Variants in IL7 observed in about 807,000 individuals in gnomAD.
IL7 encodes the protein interleukin 7.
A neutral mutation model predicts 21.6 loss-of-function variants in IL7; 3 were observed. The observed-to-expected ratio is 0.14, with a 90% CI of 0.06 to 0.36. The LOEUF (loss-of-function observed/expected upper bound fraction) is 0.36. IL7 is among the 10% of genes least tolerant of loss of function. IL7 has a pLI of 1.00. For synonymous variants in IL7, 62 were observed against 68.1 expected (o/e 0.91, Z 0.44); for missense variants, 175 against 200.2 (o/e 0.87, Z 0.76).
chr8:78,692,033 G>T (rs1810229107), intron 3 of IL7, among the ~76,000 whole-genome samples: 1 of 151,910 alleles, frequency 6.6e-6, no homozygotes, highest in Admixed American at 6.6e-5. Flanking sequence ...ACCATTTTTT[G>T]TGGTAAGAAC....
At chr8:78,780,560 T>C (rs371596624) in intron 2 of IL7, among the ~76,000 whole-genome samples, 2 of 152,216 alleles carry the variant, frequency 1.3e-5, no homozygotes, top group East Asian at 1.9e-4. Context: ...TTCCTTAAAA[T>C]TGAGTTCTAA....
intron 2 of IL7, among the ~76,000 whole-genome samples, chr8:78,793,931 T>C (rs546675825): frequency 1.3e-5 from 2 of 152,298 alleles, no homozygotes; most frequent in East Asian, 3.9e-4. Flanking sequence ...CCACTTTCTT[T>C]GCTCATGCCT....
intron 2 of IL7, among the ~76,000 whole-genome samples, chr8:78,746,130 C>T (rs989943224): frequency 6.6e-6 from 1 of 152,274 alleles, no homozygotes; most frequent in East Asian, 1.9e-4. Context: ...CATTATTTAG[C>T]CTACTATAGA....
At chr8:78,759,836 T>G (rs890433471) in intron 2 of IL7, among the ~76,000 whole-genome samples, 2 of 152,128 alleles carry the variant, frequency 1.3e-5, no homozygotes, top group African/African-American at 4.8e-5. Context: ...ACCCAACAAG[T>G]AGAGATCCAC....
chr8:78,686,902 A>G (rs1281073858), intron 3 of IL7, among the ~76,000 whole-genome samples: 1 of 152,134 alleles, frequency 6.6e-6, no homozygotes, highest in African/African-American at 2.4e-5. Context: ...TCCAGGAAAT[A>G]TTTTAACCAT....
chr8:78,715,275 C>G (rs1446536163), downstream of IL7: 1 of 1,613,758 alleles, frequency 6.2e-7, no homozygotes, highest in Non-Finnish European at 8.5e-7. Flanking sequence ...GAAATCCTGC[C>G]CCAGGTGTGC....
At chr8:78,771,150 G>T (rs1385168878) in intron 2 of IL7, among the ~76,000 whole-genome samples, 1 of 149,778 alleles carries the variant, frequency 6.7e-6, no homozygotes, top group African/African-American at 2.4e-5. Context: ...TTTCCTGGCT[G>T]TTGGAGCTCC....
chr8:78,683,816 TC>T (rs760592379), intron 4 of IL7, among the ~76,000 whole-genome samples: 2 of 152,184 alleles, frequency 1.3e-5, no homozygotes, highest in Admixed American at 6.5e-5. Flanking sequence ...AATGCTTTGC[TC>T]CCCAGAAATT....
At chr8:78,726,418 A>G (rs1205155361) in intron 3 of IL7, among the ~76,000 whole-genome samples, 2 of 151,968 alleles carry the variant, frequency 1.3e-5, no homozygotes, top group African/African-American at 2.4e-5. Context: ...AAAATTAGTC[A>G]TGTAACCAGC....
intron 3 of IL7, among the ~76,000 whole-genome samples, chr8:78,727,654 CCTT>C (rs1201733636): frequency 6.6e-6 from 1 of 151,926 alleles, no homozygotes; most frequent in African/African-American, 2.4e-5. Context: ...TGTATCCAAA[CCTT>C]CTGATAAGGA....
chr8:78,798,092 C>G lies in IL7; in HGVS notation c.127G>C (p.Val43Leu). 1.9e-6 allele frequency: 3 copies of G among 1,611,130 alleles called. No individual in the cohort carries two copies. The highest frequency in any genetic ancestry group is 2.5e-6 in the Non-Finnish European group (3 of 1,178,182). The change falls in exon 2 of 6, where the codon GTC becomes CTC. Residue 43 changes from valine (V) to leucine (L), a missense_variant. By Grantham distance (32) the Val-to-Leu change is conservative. Transcript: ENST00000263851. ...CATACCAATAATTGATCGATGCTGACCATTAGAACACTCTCATATTGTTTG... is the reference window on the plus strand; with the variant it reads ...CATACCAATAATTGATCGATGCTGAGCATTAGAACACTCTCATATTGTTTG... ...DGKQYESVLM[V>L]SIDQLLDSMK...
chr8:78,780,093 C>T (rs778376437), intron 2 of IL7, among the ~76,000 whole-genome samples: 10 of 151,984 alleles, frequency 6.6e-5, no homozygotes, highest in South Asian at 6.2e-4. Context: ...TTTATCTTAT[C>T]GTTTTATTGT....
At chr8:78,681,620 C>A (rs1450238380) in intron 4 of IL7, among the ~76,000 whole-genome samples, 1 of 151,994 alleles carries the variant, frequency 6.6e-6, no homozygotes, top group Non-Finnish European at 1.5e-5. Context: ...AATATTGATG[C>A]TAGATTTTTC....
At chr8:78,696,678 A>AT (rs1810427532) in intron 3 of IL7, among the ~76,000 whole-genome samples, 1 of 152,200 alleles carries the variant, frequency 6.6e-6, no homozygotes, top group South Asian at 2.1e-4. Context: ...TACTCCATTA[A>AT]TTTAAGATGG....
intron 2 of IL7, among the ~76,000 whole-genome samples, chr8:78,767,773 AT>A (rs1446698981): frequency 6.6e-6 from 1 of 151,720 alleles, no homozygotes; most frequent in African/African-American, 2.4e-5. Context: ...AATCTTTTTT[AT>A]TTTATTATTA....
intron 2 of IL7, among the ~76,000 whole-genome samples, chr8:78,751,649 G>A (rs541283323): frequency 5.3e-5 from 8 of 151,922 alleles, no homozygotes; most frequent in Non-Finnish European, 8.8e-5. Context: ...CACAATAGTC[G>A]TACATATTTA....
chr8:78,717,725 C>A (rs1347985731), downstream of IL7: 3 of 307,098 alleles, frequency 9.8e-6, no homozygotes, highest in Non-Finnish European at 1.8e-5. Context: ...AGGAAATATT[C>A]ACTTATCTGT....
At chr8:78,706,035 T>C (rs1474185226) in intron 3 of IL7, among the ~76,000 whole-genome samples, 1 of 152,192 alleles carries the variant, frequency 6.6e-6, no homozygotes, top group Non-Finnish European at 1.5e-5. Context: ...GACCACATTT[T>C]GGTAAAGAAG....
chr8:78,741,522 G>A (rs1189417847), intron 2 of IL7, among the ~76,000 whole-genome samples: 1 of 152,130 alleles, frequency 6.6e-6, no homozygotes, highest in East Asian at 1.9e-4. Flanking sequence ...TATCGTATGA[G>A]ACAATATGTC....
Sources: gnomAD v4.1 joint callset for allele counts (sites outside exome capture counted in the v4.1 genomes callset) on GRCh38, gnomAD v4.1.1 for gene constraint, MANE v1.5 for transcripts, NCBI Gene and HGNC (gene_info 2026-07-23, HGNC 2026-07-21) for gene names.